Variants in FAM53B observed in about 807,000 individuals in gnomAD.
The protein encoded by FAM53B is family with sequence similarity 53 member B.
In FAM53B, 12 loss-of-function variants were observed where a neutral mutation model predicts 32.7. That is an observed-to-expected ratio of 0.37 (90% CI 0.24 to 0.59). The LOEUF (loss-of-function observed/expected upper bound fraction) is 0.59, where lower values mean the gene tolerates loss of function less well. Among genes scored for constraint, FAM53B ranks in the 20% least tolerant of loss-of-function variants. The probability of loss-of-function intolerance (pLI) is 0.72; values close to 1 mark genes in which losing one functional copy is unlikely to be tolerated. For synonymous variants in FAM53B, 234 were observed against 228.7 expected (o/e 1.02, Z -0.21); for missense variants, 477 against 577.7 (o/e 0.83, Z 1.79).
At chr10:124,645,731 G>A (rs1051256955) in intron 4 of FAM53B, among the ~76,000 whole-genome samples, 6 of 152,158 alleles carry the variant, frequency 3.9e-5, no homozygotes, top group Non-Finnish European at 7.4e-5. Context: ...AGCATCACCC[G>A]GGAGCTGGCA....
chr10:124,623,999 TAAG>T (rs1949329542), intron 4 of FAM53B: 2 of 185,922 alleles, frequency 1.1e-5, no homozygotes, highest in African/African-American at 4.7e-5. Context: ...ATTTTTATCT[TAAG>T]AAAACATTCT....
chr10:124,724,016 A>C (rs975568089), intron 1 of FAM53B, among the ~76,000 whole-genome samples: 1 of 152,210 alleles, frequency 6.6e-6, no homozygotes, highest in Non-Finnish European at 1.5e-5. Flanking sequence ...CTAGGGACTG[A>C]GGGAAGAAGG....
At chr10:124,669,402 C>T (rs902660184) in intron 4 of FAM53B, among the ~76,000 whole-genome samples, 2 of 152,170 alleles carry the variant, frequency 1.3e-5, no homozygotes, top group South Asian at 2.1e-4. Context: ...CTCTGAGCCC[C>T]GTGCCCGGCT....
At chr10:124,743,396 C>T (rs887958548) in intron 1 of FAM53B, among the ~76,000 whole-genome samples, 2 of 152,218 alleles carry the variant, frequency 1.3e-5, no homozygotes, top group African/African-American at 2.4e-5. Context: ...ACTCCGCAAG[C>T]CCCAGCGGTG....
At chr10:124,706,983 T>C in intron 1 of FAM53B, 96 bp from the exon 2 acceptor site, 4 of 1,136,786 alleles carry the variant, frequency 3.5e-6, no homozygotes, top group Non-Finnish European at 4.7e-6. Flanking sequence ...CCCAGGGGAC[T>C]GGAACCACCT....
At chr10:124,708,961 T>C (rs1949980208) in intron 1 of FAM53B, among the ~76,000 whole-genome samples, 1 of 152,206 alleles carries the variant, frequency 6.6e-6, no homozygotes, top group Non-Finnish European at 1.5e-5. Context: ...AGTTTCCCTC[T>C]CTGTACAACA....
intron 4 of FAM53B, among the ~76,000 whole-genome samples, chr10:124,627,888 T>C (rs1210752679): frequency 1.3e-5 from 2 of 149,922 alleles, no homozygotes; most frequent in South Asian, 2.1e-4. Context: ...TTTATTCCCA[T>C]ACTTTCTCCT....
chr10:124,657,120 A>ATATATGTGTGTATATACATATATATGTG (rs1564869733), intron 4 of FAM53B, among the ~76,000 whole-genome samples: 5 of 123,468 alleles, frequency 4.0e-5, no homozygotes, highest in Admixed American at 8.7e-5. Context: ...GTGTGTGTGT[A>ATATATGTGTGTATATACATATATATGTG]TATATATGTG....
At chr10:124,691,187 G>A (rs1438018838) in intron 3 of FAM53B, among the ~76,000 whole-genome samples, 2 of 152,120 alleles carry the variant, frequency 1.3e-5, no homozygotes, top group Non-Finnish European at 1.5e-5. Flanking sequence ...CAGCCAACTG[G>A]TTTACCCTGT....
intron 1 of FAM53B, among the ~76,000 whole-genome samples, chr10:124,736,966 T>C (rs1349391475): frequency 2.0e-5 from 3 of 152,274 alleles, no homozygotes; most frequent in East Asian, 1.9e-4. Context: ...CAGGGTGTGG[T>C]AGAAAGAATA....
chr10:124,740,819 G>C (rs1288406400), intron 1 of FAM53B, among the ~76,000 whole-genome samples: 1 of 152,220 alleles, frequency 6.6e-6, no homozygotes, highest in Non-Finnish European at 1.5e-5. Flanking sequence ...ACCCTGTTTT[G>C]TGGCGTGGAG....
At chr10:124,736,177 G>A (rs1161121604) in intron 1 of FAM53B, among the ~76,000 whole-genome samples, 4 of 152,366 alleles carry the variant, frequency 2.6e-5, no homozygotes, top group Non-Finnish European at 5.9e-5. Context: ...TCCTAAAAAC[G>A]CTGGGTGGCA....
chr10:124,647,284 G>A (rs1256011593), intron 4 of FAM53B, among the ~76,000 whole-genome samples: 1 of 152,164 alleles, frequency 6.6e-6, no homozygotes, highest in Admixed American at 6.5e-5. Context: ...TGGATGAATG[G>A]CGCAGAAAGC....
chr10:124,691,483 C>A (rs1339731336), intron 3 of FAM53B, among the ~76,000 whole-genome samples: 2 of 152,114 alleles, frequency 1.3e-5, no homozygotes, highest in African/African-American at 4.8e-5. Context: ...GGTTTCCATC[C>A]AATTTTTTTT....
At chr10:124,679,958 T>C (rs1949759390) in intron 4 of FAM53B, among the ~76,000 whole-genome samples, 1 of 152,236 alleles carries the variant, frequency 6.6e-6, no homozygotes, top group African/African-American at 2.4e-5. Context: ...TAATAAAATA[T>C]GCTCAGTATT....
chr10:124,639,187 G>A (rs1949454620), intron 4 of FAM53B, among the ~76,000 whole-genome samples: 1 of 152,196 alleles, frequency 6.6e-6, no homozygotes, highest in Non-Finnish European at 1.5e-5. Flanking sequence ...CAGGGATTCA[G>A]AGGTGGGCCA....
Position 124,708,970 on chromosome 10 carries a change from C to CA in FAM53B, c.-174-2084dup, listed in dbSNP as rs1429750145. On this transcript the variant is annotated intron_variant, in intron 1 of 4. Coordinates refer to ENST00000337318, the MANE Select transcript of FAM53B (RefSeq NM_014661.4). ...AGCCTCAGTTTCCCTCTCTGTACAA[C>CA]AGGGAAAACAGTGCTTGCCTCACAA... 3.3e-5 allele frequency among the ~76,000 whole-genome samples: 5 copies of CA among 151,992 alleles called. No homozygotes were observed. The East Asian group carries it at 9.6e-4, about 29-fold the overall frequency.
At chr10:124,677,819 G>T (rs1949745795) in intron 4 of FAM53B, among the ~76,000 whole-genome samples, 1 of 152,212 alleles carries the variant, frequency 6.6e-6, no homozygotes, top group African/African-American at 2.4e-5. Flanking sequence ...AAGGGGCAGG[G>T]TGGCCAGCAG....
rs145618840 is a variant in FAM53B at position 124,693,026 on chromosome 10, A to G, written c.133+3132T>C. Among the ~76,000 whole-genome samples, 157 of 152,278 alleles carry G rather than the reference A, an allele frequency of 1.0e-3. 2 individuals are homozygous for G. The highest frequency in any genetic ancestry group is 8.1e-3 in the Admixed American group (124 of 15,304). On this transcript the variant is annotated intron_variant, in intron 3 of 4. Transcript: ENST00000337318. ...GAATTCCACTGATCAGCACCAGAAC[A>G]TGAGTCCTTTATCTTCAGGAGACAG...
Sources: allele counts gnomAD v4.1 joint callset (sites outside exome capture counted in the v4.1 genomes callset), GRCh38; gene constraint gnomAD v4.1.1; transcripts MANE v1.5; gene names NCBI Gene and HGNC (gene_info 2026-07-23, HGNC 2026-07-21).